VWDE: variants seen among roughly 807,000 people sequenced by gnomAD.
The protein encoded by VWDE is von Willebrand factor D and EGF domains, also known as von Willebrand factor D and EGF domain-containing protein.
A neutral mutation model predicts 178.4 loss-of-function variants in VWDE; 207 were observed. The observed-to-expected ratio is 1.16, with a 90% CI of 1.04 to 1.30. The LOEUF (loss-of-function observed/expected upper bound fraction) is 1.30, where lower values mean the gene tolerates loss of function less well. Ranked by LOEUF, VWDE falls within the 50% of genes most tolerant of loss-of-function variation. The probability of loss-of-function intolerance (pLI) is 0.00; values close to 1 mark genes in which losing one functional copy is unlikely to be tolerated. For missense variants in VWDE, 2,287 were observed against 1,901.3 expected, an observed-to-expected ratio of 1.20 and a Z score of -3.77; for synonymous variants, 738 against 651.4, an observed-to-expected ratio of 1.13 and a Z score of -2.02.
Position 12,383,511 on chromosome 7 carries a change from TAA to T in VWDE, c.541+23_541+24del, listed in dbSNP as rs1249830136. The T allele has an allele frequency of 1.6e-5, 25 of 1,545,244 alleles. No homozygotes were observed. In the South Asian group the frequency reaches 2.7e-4, roughly 17 times the overall value. On this transcript the variant is annotated intron_variant, in intron 4 of 28. Transcript: ENST00000275358. ...ATAGTCTAGTTTATAAAAACACTAT[TAA>T]AAAAGCAAAATATGATACTTACGAA...
Position 12,351,516 on chromosome 7 carries a change from A to G in VWDE, c.3886+57T>C, listed in dbSNP as rs577357996. 27 of 1,475,982 alleles carry G rather than the reference A, an allele frequency of 1.8e-5. No individual in the cohort carries two copies. In the South Asian group the frequency reaches 3.5e-4, roughly 19 times the overall value. The allele number at this position is 1,475,982 out of a possible 1,614,324, so 91.4% of individuals were successfully genotyped here. A position where few individuals can be genotyped will look rare whatever the true frequency, so the allele number is the denominator to read the frequency against. ...TGAGGAATAAATATGTTGGTCTTCT[A>G]GAAAACAAGTAAGAGGAATTACTTG... On this transcript the variant is annotated intron_variant, in intron 19 of 28. Transcript: ENST00000275358.
At chr7:12,377,148 C>T (rs2128557434) in intron 7 of VWDE, among the ~76,000 whole-genome samples, 1 of 152,226 alleles carries the variant, frequency 6.6e-6, no homozygotes, top group Admixed American at 6.5e-5. Context: ...AAGCCAATCA[C>T]TGCTATGCAT....
intron 7 of VWDE, among the ~76,000 whole-genome samples, chr7:12,376,138 AT>A (rs1387045539): frequency 6.6e-6 from 1 of 152,114 alleles, no homozygotes; most frequent in Non-Finnish European, 1.5e-5. Context: ...CACATAAAAA[AT>A]AACAGAAACA....
rs530059051 is a variant in VWDE, at chr7:12,355,005, T to C, written c.3745+1106A>G. On this transcript the variant is annotated intron_variant, in intron 18 of 28. Transcript: ENST00000275358. Reference sequence around the variant, plus strand: ...TCATCTGAACGAGTAAATTCAGTCATACGTGGATGGTAGCCTTTATTATAC... The same window carrying C: ...TCATCTGAACGAGTAAATTCAGTCACACGTGGATGGTAGCCTTTATTATAC... Among the ~76,000 whole-genome samples, 11 of 152,302 alleles carry C rather than the reference T, an allele frequency of 7.2e-5. No homozygotes were observed. In the East Asian group the frequency reaches 1.5e-3, roughly 21 times the overall value.
At chr7:12,371,250 C>A (rs1783181899) in intron 10 of VWDE, among the ~76,000 whole-genome samples, 1 of 152,116 alleles carries the variant, frequency 6.6e-6, no homozygotes, top group Non-Finnish European at 1.5e-5. Context: ...TTAATTTACA[C>A]AGATGAATAT....
At chr7:12,382,966 A>C (rs1268014933) in intron 4 of VWDE, among the ~76,000 whole-genome samples, 1 of 151,742 alleles carries the variant, frequency 6.6e-6, no homozygotes, top group African/African-American at 2.4e-5. Flanking sequence ...TATCAACATC[A>C]TTGATGTTTG....
chr7:12,377,584 A>G, intron 7 of VWDE, 192 bp downstream of exon 7: 1 of 386,838 alleles, frequency 2.6e-6, no homozygotes, highest in Non-Finnish European at 4.5e-6. Context: ...CTTTCAGCCA[A>G]GAAGAAGAAA....
At position 12,374,720 on chromosome 7, in the gene VWDE, T is replaced by C. The variant is rs1399018666; in HGVS notation, c.1285A>G (p.Thr429Ala). 1 of 1,539,954 alleles carries C rather than the reference T, an allele frequency of 6.5e-7. No individual in the cohort carries two copies. Among genetic ancestry groups the C allele is most frequent in the Non-Finnish European group, 8.7e-7 (1 of 1,143,094 alleles). Reference protein sequence around the residue: ...DVPTAYCYTFTDPHIITFDGR... With the variant: ...DVPTAYCYTFADPHIITFDGR... ...TCAAATGTAATTATATGTGGGTCAG[T>C]AAATGTATAGCAGTAAGCAGTTGGG... The change falls in exon 9 of 29, where the codon ACT becomes GCT. Residue 429 changes from threonine to alanine, a missense_variant. By Grantham distance (58) the Thr-to-Ala change is moderately conservative (BLOSUM62 0). Transcript: ENST00000275358.
chr7:12,361,035 T>G (rs1782545952), intron 15 of VWDE, 112 bp downstream of exon 15: 1 of 609,482 alleles, frequency 1.6e-6, no homozygotes, highest in Non-Finnish European at 2.7e-6. Flanking sequence ...AAGGCTTTTC[T>G]CTATTAGTTT....
chr7:12,358,469 A>G (rs1398959737), intron 16 of VWDE, among the ~76,000 whole-genome samples: 1 of 151,994 alleles, frequency 6.6e-6, no homozygotes, highest in Non-Finnish European at 1.5e-5. Context: ...ATTGTCTTAT[A>G]TTAAAAAATG....
chr7:12,331,426 G>A (rs1452593282), intron 28 of VWDE, among the ~76,000 whole-genome samples: 1 of 152,012 alleles, frequency 6.6e-6, no homozygotes, highest in Non-Finnish European at 1.5e-5. Context: ...ATTCCATCGT[G>A]GCAAAATGTT....
intron 8 of VWDE, 52 bp downstream of exon 8, chr7:12,374,958 C>T (rs1363739501): frequency 6.7e-7 from 1 of 1,486,424 alleles, no homozygotes; most frequent in Non-Finnish European, 9.1e-7. Context: ...TGATAAAATA[C>T]ACATTTCTTC....
chr7:12,337,458 T>C (rs1238228668), intron 24 of VWDE, among the ~76,000 whole-genome samples, 186 bp from the exon 25 acceptor site: 2 of 152,228 alleles, frequency 1.3e-5, no homozygotes, highest in African/African-American at 2.4e-5. Flanking sequence ...TATAAGCTAC[T>C]AGTGGGTTAG....
chr7:12,346,623 G>A (rs972739009), intron 19 of VWDE, among the ~76,000 whole-genome samples: 3 of 149,264 alleles, frequency 2.0e-5, no homozygotes, highest in African/African-American at 7.6e-5. Flanking sequence ...TGGCGGGGGC[G>A]GGGGGGATCA....
At chr7:12,401,655 A>G (rs1784899846) in intron 1 of VWDE, among the ~76,000 whole-genome samples, 1 of 152,168 alleles carries the variant, frequency 6.6e-6, no homozygotes, top group African/African-American at 2.4e-5. Flanking sequence ...GTGTTGATGG[A>G]AACATGAAGA....
intron 7 of VWDE, among the ~76,000 whole-genome samples, chr7:12,376,004 G>C (rs1350080173): frequency 6.6e-6 from 1 of 151,964 alleles, no homozygotes; most frequent in East Asian, 1.9e-4. Context: ...AATCTAAAAG[G>C]AAAAAAGTTG....
chr7:12,370,090 C>T lies in VWDE; in HGVS notation c.2216G>A (p.Ser739Asn). 1 of 1,551,556 alleles carries T rather than the reference C, an allele frequency of 6.4e-7. No individual in the cohort carries two copies. Among genetic ancestry groups the T allele is most frequent in the Non-Finnish European group, 8.7e-7 (1 of 1,146,906 alleles). The change falls in exon 12 of 29, where the codon AGC (serine) becomes AAC (asparagine). Residue 739 changes from serine to asparagine, a missense_variant. Coordinates refer to ENST00000275358, the MANE Select transcript of VWDE (RefSeq NM_001135924.3). The part of the protein sequence containing the change: ...KKYTQGRGSH[S>N]QEMRYNRQNR... ...TTGTCGATTGTACCTCATTTCTTGG[C>T]TGTGGCTTCCCCGGCCTTGTGTATA...
chr7:12,396,524 C>G (rs1414373503), intron 1 of VWDE, among the ~76,000 whole-genome samples: 1 of 152,014 alleles, frequency 6.6e-6, no homozygotes, highest in Admixed American at 6.6e-5. Context: ...CTTTTGATCC[C>G]CAAATGTAAT....
rs1780684088 is a variant in VWDE, at chr7:12,330,949, CT to C, written c.*233del. 1 of 437,586 alleles carries C rather than the reference CT, an allele frequency of 2.3e-6. No homozygotes were observed. The highest frequency in any genetic ancestry group is 4.1e-6 in the Non-Finnish European group (1 of 244,752). The allele number at this position is 437,586 out of a possible 1,614,324, so 27.1% of individuals were successfully genotyped here. ...ATGGGTGGAATATCAGATACATCAT[CT>C]CAATATGTAAATATCCTATCCCATC... On this transcript the variant is annotated 3_prime_UTR_variant, in exon 29 of 29. Coordinates refer to ENST00000275358, the MANE Select transcript of VWDE (RefSeq NM_001135924.3).
Sources: allele counts gnomAD v4.1 joint callset (sites outside exome capture counted in the v4.1 genomes callset), GRCh38; gene constraint gnomAD v4.1.1; transcripts MANE v1.5; gene names NCBI Gene and HGNC (gene_info 2026-07-23, HGNC 2026-07-21).